The following RBFOX1 variants were observed in gnomAD, a reference collection of about 807,000 sequenced individuals.
The protein encoded by RBFOX1 is RNA binding fox-1 homolog 1.
A neutral mutation model predicts 57.7 loss-of-function variants in RBFOX1; 8 were observed. The ratio of observed to expected loss-of-function variants is 0.14; its 90% confidence interval spans 0.08 to 0.25. The LOEUF (loss-of-function observed/expected upper bound fraction) is 0.25. RBFOX1 is among the 10% of genes least tolerant of loss of function. The pLI is 1.00. For synonymous variants in RBFOX1, 326 were observed against 222.4 expected (o/e 1.47, Z -4.15); for missense variants, 611 against 548.5 (o/e 1.11, Z -1.14).
intron 4 of RBFOX1, among the ~76,000 whole-genome samples, chr16:5,973,891 T>C (rs887265): frequency 0.63 from 95,766 of 152,110 alleles, 30,715 homozygotes; most frequent in East Asian, 0.87. Context: ...CTTCACTTCG[T>C]AGGGCTCAGA....
At chr16:5,461,537 C>T (rs2068788243) in intron 1 of RBFOX1, among the ~76,000 whole-genome samples, 1 of 152,202 alleles carries the variant, frequency 6.6e-6, no homozygotes, top group African/African-American at 2.4e-5. Context: ...TTTTTCTTCC[C>T]TTTAAAGCCT....
intron 2 of RBFOX1, among the ~76,000 whole-genome samples, chr16:6,366,085 A>G (rs1206490247): frequency 8.3e-5 from 12 of 144,420 alleles, no homozygotes; most frequent in East Asian, 2.1e-4. Flanking sequence ...TGGCCATTCT[A>G]TGTGTGTGTG....
chr16:5,368,672 T>TA (rs958601835), intron 1 of RBFOX1, among the ~76,000 whole-genome samples: 5 of 152,210 alleles, frequency 3.3e-5, no homozygotes, highest in Non-Finnish European at 1.5e-5. Flanking sequence ...GGCCATCCTT[T>TA]AAAAAAAATT....
intron 2 of RBFOX1, among the ~76,000 whole-genome samples, chr16:6,367,014 C>A (rs755831574): frequency 6.6e-6 from 1 of 152,182 alleles, no homozygotes; most frequent in Non-Finnish European, 1.5e-5. Context: ...CTTCCTTATG[C>A]TGCCCATTGG....
chr16:7,599,848 G>T (rs2094919213), intron 9 of RBFOX1, among the ~76,000 whole-genome samples: 1 of 151,444 alleles, frequency 6.6e-6, no homozygotes, highest in Admixed American at 6.6e-5. Context: ...AGTTGCCCAG[G>T]CTGGTCTCGA....
At chr16:6,974,234 C>A (rs998581441) in intron 3 of RBFOX1, among the ~76,000 whole-genome samples, 1 of 151,624 alleles carries the variant, frequency 6.6e-6, no homozygotes, top group African/African-American at 2.4e-5. Context: ...ATAGTTGTAA[C>A]CCCTATGAAT....
intron 4 of RBFOX1, among the ~76,000 whole-genome samples, chr16:7,134,184 G>GT (rs1224359716): frequency 1.3e-5 from 2 of 152,146 alleles, no homozygotes; most frequent in African/African-American, 4.8e-5. Context: ...TGAGGTTTCA[G>GT]TAAAGGTCCA....
chr16:6,069,284 A>T (rs1206459124), intron 1 of RBFOX1, among the ~76,000 whole-genome samples: 1 of 151,774 alleles, frequency 6.6e-6, no homozygotes, highest in African/African-American at 2.4e-5. Flanking sequence ...TGTAATTCCA[A>T]CTACTCGGGA....
chr16:7,341,672 A>G (rs1212318522), intron 4 of RBFOX1, among the ~76,000 whole-genome samples: 3 of 151,702 alleles, frequency 2.0e-5, no homozygotes, highest in African/African-American at 7.3e-5. Flanking sequence ...TTCCTGCTAC[A>G]TTTCAGAGAA....
At chr16:7,622,902 G>A (rs2059529659) in intron 10 of RBFOX1, among the ~76,000 whole-genome samples, 1 of 152,180 alleles carries the variant, frequency 6.6e-6, no homozygotes, top group Non-Finnish European at 1.5e-5. Context: ...GATTAACTGT[G>A]AAAATATTCT....
At chr16:7,616,522 A>G (rs1219209973) in intron 10 of RBFOX1, among the ~76,000 whole-genome samples, 3 of 152,178 alleles carry the variant, frequency 2.0e-5, no homozygotes, top group Non-Finnish European at 4.4e-5. Flanking sequence ...ATTGGATCAA[A>G]CCTATATGGT....
chr16:5,351,748 C>A (rs923921879), intron 1 of RBFOX1, among the ~76,000 whole-genome samples: 1 of 152,054 alleles, frequency 6.6e-6, no homozygotes, highest in Admixed American at 6.6e-5. Context: ...TGTGAGTGAC[C>A]CTGGTTATCT....
chr16:6,820,978 T>G lies in RBFOX1; in HGVS notation c.-16+166328T>G, dbSNP rs553148703. On this transcript the variant is annotated intron_variant, in intron 3 of 15. Coordinates refer to ENST00000550418, the MANE Select transcript of RBFOX1 (RefSeq NM_018723.4). ...CAGTTATTGAATTTGTATTATGTGT[T>G]ATATACAGTTACTTGTAAGGGAGTC... Among the ~76,000 whole-genome samples the G allele has an allele frequency of 2.0e-5, 3 of 152,360 alleles. No homozygotes were observed. In the South Asian group the frequency reaches 6.2e-4, roughly 32 times the overall value.
At chr16:6,925,257 C>A (rs112678250) in intron 3 of RBFOX1, among the ~76,000 whole-genome samples, 2 of 149,840 alleles carry the variant, frequency 1.3e-5, no homozygotes, top group Admixed American at 6.7e-5. Flanking sequence ...CCTCAGTCTC[C>A]CAAGTAGCTG....
intron 3 of RBFOX1, among the ~76,000 whole-genome samples, chr16:6,942,999 C>T (rs541699285): frequency 6.6e-6 from 1 of 152,172 alleles, no homozygotes; most frequent in African/African-American, 2.4e-5. Context: ...ATGGATCCCC[C>T]AAGGCTCTTC....
At chr16:7,048,201 TA>T (rs1044913944) in intron 3 of RBFOX1, among the ~76,000 whole-genome samples, 2 of 151,984 alleles carry the variant, frequency 1.3e-5, no homozygotes, top group Admixed American at 6.6e-5. Context: ...TTTATTTTTT[TA>T]AAAAAATTTA....
chr16:6,148,902 C>T (rs965050826), intron 1 of RBFOX1, among the ~76,000 whole-genome samples: 1 of 152,028 alleles, frequency 6.6e-6, no homozygotes, highest in Non-Finnish European at 1.5e-5. Context: ...CTCCCTGCCA[C>T]GTAATGATTC....
intron 2 of RBFOX1, among the ~76,000 whole-genome samples, chr16:6,592,618 T>C (rs1243835677): frequency 2.6e-5 from 4 of 152,146 alleles, no homozygotes; most frequent in South Asian, 2.1e-4. Flanking sequence ...GAGATATACA[T>C]ATGGGGAAGC....
chr16:6,039,315 C>T (rs2095410233), intron 1 of RBFOX1, among the ~76,000 whole-genome samples: 3 of 139,938 alleles, frequency 2.1e-5, no homozygotes, highest in South Asian at 4.5e-4. Flanking sequence ...GCACAAAAAT[C>T]TGAGGATAAG....
Sources: allele counts gnomAD v4.1 joint callset (sites outside exome capture counted in the v4.1 genomes callset), GRCh38; gene constraint gnomAD v4.1.1; transcripts MANE v1.5; gene names NCBI Gene and HGNC (gene_info 2026-07-23, HGNC 2026-07-21).